RNF24: variants seen among roughly 807,000 people sequenced by gnomAD.
The protein encoded by RNF24 is ring finger protein 24.
RNF24 carries 14 observed loss-of-function variants against 20.0 expected under a neutral mutation model. That is an observed-to-expected ratio of 0.70 (90% CI 0.46 to 1.10). The LOEUF (loss-of-function observed/expected upper bound fraction) is 1.10, where lower values mean the gene tolerates loss of function less well. Among genes scored for constraint, RNF24 ranks in the 50% least tolerant of loss-of-function variants. The pLI, the probability that RNF24 is intolerant of heterozygous loss-of-function variation, is 0.00. For missense variants in RNF24, 124 were observed against 177.6 expected (o/e 0.70, Z 1.71); for synonymous variants, 45 against 61.1 (o/e 0.74, Z 1.23).
At chr20:3,974,797 G>T (rs1978719798) in intron 1 of RNF24, among the ~76,000 whole-genome samples, 1 of 152,088 alleles carries the variant, frequency 6.6e-6, no homozygotes, top group Non-Finnish European at 1.5e-5. Flanking sequence ...TATGTTCATG[G>T]ATTTGAAGAC....
intron 2 of RNF24, among the ~76,000 whole-genome samples, chr20:3,950,801 A>G (rs908652435): frequency 2.0e-5 from 3 of 152,204 alleles, no homozygotes; most frequent in African/African-American, 7.2e-5. Context: ...ATTAACATTG[A>G]TATATTAGTA....
At chr20:3,977,301 A>C (rs1033203165) in intron 1 of RNF24, among the ~76,000 whole-genome samples, 2 of 152,178 alleles carry the variant, frequency 1.3e-5, no homozygotes, top group Non-Finnish European at 2.9e-5. Context: ...TATTTTGAAA[A>C]GCTATAACTA....
At chr20:3,972,672 G>A (rs1471276568) in intron 1 of RNF24, among the ~76,000 whole-genome samples, 1 of 152,024 alleles carries the variant, frequency 6.6e-6, no homozygotes, top group Non-Finnish European at 1.5e-5. Context: ...GGGCCGAGGC[G>A]GGCAGATCAC....
At chr20:3,999,032 A>G (rs112594524) in intron 1 of RNF24, among the ~76,000 whole-genome samples, 8 of 152,270 alleles carry the variant, frequency 5.3e-5, no homozygotes, top group African/African-American at 1.9e-4. Context: ...GTGAGCCAAG[A>G]TCAGGCCACT....
chr20:3,963,395 G>C (rs2091224099), intron 2 of RNF24, among the ~76,000 whole-genome samples: 1 of 152,016 alleles, frequency 6.6e-6, no homozygotes, highest in Non-Finnish European at 1.5e-5. Context: ...GTTCCACCAT[G>C]TTGGCCAGGC....
At chr20:3,970,254 C>T (rs955576981) in intron 1 of RNF24, among the ~76,000 whole-genome samples, 4 of 152,112 alleles carry the variant, frequency 2.6e-5, no homozygotes, top group African/African-American at 4.8e-5. Context: ...TCCCCGCCCC[C>T]CATGTCAATA....
chr20:3,944,412 T>C (rs1413047537), intron 4 of RNF24, among the ~76,000 whole-genome samples: 1 of 152,144 alleles, frequency 6.6e-6, no homozygotes, highest in Non-Finnish European at 1.5e-5. Flanking sequence ...ACAAATTAAC[T>C]TTCTTTGAAG....
At chr20:3,996,423 G>A (rs1313552133) in intron 1 of RNF24, among the ~76,000 whole-genome samples, 1 of 152,136 alleles carries the variant, frequency 6.6e-6, no homozygotes, top group East Asian at 1.9e-4. Context: ...TTTCCATTTA[G>A]AGAATCAGTA....
rs188427633 is a variant in RNF24 at position 3,927,902 on chromosome 20, C to T, written c.*6161G>A. 2 of 152,358 alleles carry T rather than the reference C, an allele frequency of 1.3e-5. No individual in the cohort carries two copies. The highest frequency in any genetic ancestry group is 1.3e-4 in the Admixed American group (2 of 15,306). 9.4% of individuals were successfully genotyped at this position (152,358 alleles called of 1,614,324 possible). A position where few individuals can be genotyped will look rare whatever the true frequency, so the allele number is the denominator to read the frequency against. ...AGGACTGGATGGTAAGCCAAAGGTG[C>T]TGATGCTTGGTCAAAAAGTGGAGTA... On this transcript the variant is annotated 3_prime_UTR_variant, in exon 6 of 6. Transcript: ENST00000358395.
In RNF24 at chr20:3,934,140, G is replaced by C; in HGVS notation, c.370C>G (p.Gln124Glu). The C allele has an allele frequency of 6.3e-7, 1 of 1,592,274 alleles. No individual in the cohort carries two copies. Among genetic ancestry groups the C allele is most frequent in the Non-Finnish European group, 8.6e-7 (1 of 1,169,508 alleles). ...VCPLCNMPVL[Q>E]LAQLHSKQDR... The stretch of plus-strand genomic sequence containing the variant: ...TGCTTACTGTGCAACTGGGCCAGCT[G>C]TAGAACTGGCATGTTGCACAGGGGA... The change falls in exon 6 of 6, where the codon CAG becomes GAG. Residue 124 changes from glutamine (Q) to glutamate (E), a missense_variant. Transcript: ENST00000358395. This position sits in a 1 kb window ranked among gnomAD's most constrained non-coding sequence, Gnocchi z 4.0.
intron 1 of RNF24, among the ~76,000 whole-genome samples, chr20:3,965,750 T>C (rs907067570): frequency 2.0e-5 from 3 of 152,202 alleles, no homozygotes; most frequent in South Asian, 2.1e-4. Flanking sequence ...ACCCTTGTTA[T>C]AGCCAAGACT....
intron 1 of RNF24, among the ~76,000 whole-genome samples, chr20:3,998,778 A>AAAT (rs370069178): frequency 1.3e-5 from 2 of 149,470 alleles, no homozygotes; most frequent in Non-Finnish European, 3.0e-5. Flanking sequence ...TAAATTAAAA[A>AAAT]AAATAAATAA....
At chr20:4,011,762 C>T (rs933005462) in intron 1 of RNF24, among the ~76,000 whole-genome samples, 1 of 152,182 alleles carries the variant, frequency 6.6e-6, no homozygotes, top group African/African-American at 2.4e-5. Flanking sequence ...CTGTGAATAA[C>T]AGGTACACTG....
At chr20:3,938,779 C>T (rs1281718579) in intron 4 of RNF24, among the ~76,000 whole-genome samples, 1 of 152,066 alleles carries the variant, frequency 6.6e-6, no homozygotes, top group Non-Finnish European at 1.5e-5. Context: ...TGCTCTGTCA[C>T]CCAGGCTGGA....
At chr20:4,009,126 C>T (rs768256577) in intron 1 of RNF24, among the ~76,000 whole-genome samples, 12 of 152,102 alleles carry the variant, frequency 7.9e-5, no homozygotes, top group Non-Finnish European at 1.6e-4. Flanking sequence ...TCCTTGCCTT[C>T]CTGGAGCTGA....
rs558821619 is a variant in RNF24, at chr20:4,006,067, T to C, written c.-8+9370A>G. On this transcript the variant is annotated intron_variant, in intron 1 of 5. Transcript: ENST00000358395. ...AGACAAGCTAAGACTACATACATAA[T>C]TAACCTTCTATAGAATCTATGGTTT... Among the ~76,000 whole-genome samples, 13 of 152,272 alleles carry C rather than the reference T, an allele frequency of 8.5e-5. No homozygotes were observed. The East Asian group carries it at 2.5e-3, about 29-fold the overall frequency.
At chr20:3,978,237 C>T (rs920076548) in intron 1 of RNF24, among the ~76,000 whole-genome samples, 6 of 151,840 alleles carry the variant, frequency 4.0e-5, no homozygotes, top group African/African-American at 4.8e-5. Context: ...GGGGTTTCGC[C>T]CTGTTGGCCA....
intron 2 of RNF24, among the ~76,000 whole-genome samples, chr20:3,960,671 C>T (rs1010405699): frequency 4.0e-5 from 6 of 151,784 alleles, no homozygotes; most frequent in Non-Finnish European, 7.4e-5. Flanking sequence ...TATCTCAAAA[C>T]AAAACAAAAC....
At chr20:3,943,301 A>ATTT (rs562360151) in intron 4 of RNF24, among the ~76,000 whole-genome samples, 2 of 145,598 alleles carry the variant, frequency 1.4e-5, no homozygotes, top group African/African-American at 2.5e-5. Flanking sequence ...TCCCAGCAGG[A>ATTT]TTTTTTTTTT....
Sources: allele counts gnomAD v4.1 joint callset (sites outside exome capture counted in the v4.1 genomes callset), GRCh38; gene constraint gnomAD v4.1.1; non-coding constraint Gnocchi (gnomAD v3.1); transcripts MANE v1.5; gene names NCBI Gene and HGNC (gene_info 2026-07-23, HGNC 2026-07-21).